MSRA: variants seen among roughly 807,000 people sequenced by gnomAD.
The protein encoded by MSRA is mitochondrial peptide methionine sulfoxide reductase.
MSRA carries 54 observed loss-of-function variants against 31.3 expected under a neutral mutation model. The observed-to-expected ratio is 1.73, with a 90% CI of 1.39 to 2.17. The LOEUF is 2.17. Ranked by LOEUF, MSRA falls within the 30% of genes most tolerant of loss-of-function variation. MSRA has a pLI of 0.00. For missense variants in MSRA, 507 were observed against 300.9 expected, an observed-to-expected ratio of 1.69 and a Z score of -5.07; for synonymous variants, 169 against 116.5, an observed-to-expected ratio of 1.45 and a Z score of -2.90.
intron 1 of MSRA, among the ~76,000 whole-genome samples, chr8:10,116,369 C>A (rs988902364): frequency 6.6e-6 from 1 of 152,178 alleles, no homozygotes; most frequent in African/African-American, 2.4e-5. Context: ...ACCCCCTGGA[C>A]TATAGTATTA....
intron 3 of MSRA, among the ~76,000 whole-genome samples, chr8:10,258,721 C>T (rs1484648759): frequency 1.3e-5 from 2 of 152,200 alleles, no homozygotes; most frequent in Non-Finnish European, 2.9e-5. Flanking sequence ...CAACTCTTCC[C>T]TGATGGTTTA....
intron 1 of MSRA, among the ~76,000 whole-genome samples, chr8:10,121,324 C>G (rs1801089511): frequency 6.6e-6 from 1 of 152,152 alleles, no homozygotes. Flanking sequence ...TGGAGAAGGA[C>G]TTGTGGGCAG....
intron 4 of MSRA, among the ~76,000 whole-genome samples, chr8:10,315,751 A>G (rs1194934892): frequency 3.3e-5 from 5 of 152,230 alleles, no homozygotes. Flanking sequence ...GATGACCTAA[A>G]AATTTTACTA....
intron 3 of MSRA, among the ~76,000 whole-genome samples, chr8:10,292,349 G>C (rs1800283777): frequency 6.6e-6 from 1 of 152,222 alleles, no homozygotes. Context: ...GCCCAGTCCT[G>C]GGGCCTACAG....
chr8:10,420,749 T>C (rs763364461), intron 5 of MSRA, among the ~76,000 whole-genome samples: 14 of 152,218 alleles, frequency 9.2e-5, no homozygotes, highest in South Asian at 2.1e-4. Flanking sequence ...GGAAGTTTTA[T>C]GCAGAGTTTC....
chr8:10,109,962 T>G (rs1196382539), intron 1 of MSRA, among the ~76,000 whole-genome samples: 1 of 152,130 alleles, frequency 6.6e-6, no homozygotes, highest in Non-Finnish European at 1.5e-5. Context: ...ATGTAAAGAT[T>G]CGTCATAATT....
At chr8:10,173,188 A>G (rs12548428) in intron 1 of MSRA, among the ~76,000 whole-genome samples, 45,040 of 152,202 alleles carry the variant, frequency 0.3, 7,406 homozygotes, top group East Asian at 0.48. Flanking sequence ...TGGTTCGACT[A>G]TGTGATCTTT....
At chr8:10,084,687 A>T (rs1480138613) in intron 1 of MSRA, among the ~76,000 whole-genome samples, 1 of 152,238 alleles carries the variant, frequency 6.6e-6, no homozygotes, top group African/African-American at 2.4e-5. Context: ...GTATTATTTT[A>T]TGAAGATTAA....
At chr8:10,384,441 G>A (rs531353816) in intron 5 of MSRA, among the ~76,000 whole-genome samples, 4 of 152,338 alleles carry the variant, frequency 2.6e-5, no homozygotes, top group South Asian at 2.1e-4. Context: ...AGGTAGCTCC[G>A]CAGGATGGCA....
chr8:10,153,878 C>A (rs1304314474), intron 1 of MSRA, among the ~76,000 whole-genome samples: 1 of 152,132 alleles, frequency 6.6e-6, no homozygotes, highest in Admixed American at 6.5e-5. Context: ...CTTTAGGATG[C>A]CTCTCTCTCT....
intron 1 of MSRA, among the ~76,000 whole-genome samples, chr8:10,202,654 G>A (rs1254581642): frequency 3.3e-5 from 5 of 152,202 alleles, no homozygotes; most frequent in African/African-American, 1.2e-4. Flanking sequence ...TGGTCGTGGA[G>A]GGGAGGTGAC....
At chr8:10,180,966 C>G (rs1806481306) in intron 1 of MSRA, among the ~76,000 whole-genome samples, 1 of 152,176 alleles carries the variant, frequency 6.6e-6, no homozygotes, top group Non-Finnish European at 1.5e-5. Flanking sequence ...TGACTTCAAT[C>G]TTGATAACGT....
At chr8:10,184,979 A>C (rs1248671157) in intron 1 of MSRA, among the ~76,000 whole-genome samples, 1 of 152,344 alleles carries the variant, frequency 6.6e-6, no homozygotes, top group East Asian at 1.9e-4. Flanking sequence ...CAGTTTGCAT[A>C]TGTAGCCTTT....
intron 1 of MSRA, among the ~76,000 whole-genome samples, chr8:10,200,119 G>A (rs1290026028): frequency 2.0e-5 from 3 of 152,212 alleles, no homozygotes; most frequent in Non-Finnish European, 4.4e-5. Flanking sequence ...CCTGAGCTGG[G>A]CATCGGCTCC....
chr8:10,336,438 CTT>C (rs779483098), intron 5 of MSRA, among the ~76,000 whole-genome samples: 1 of 144,190 alleles, frequency 6.9e-6, no homozygotes, highest in Admixed American at 6.9e-5. Flanking sequence ...AATTTTAATC[CTT>C]TTTTTTTTTT....
intron 1 of MSRA, among the ~76,000 whole-genome samples, chr8:10,122,484 G>A (rs1214813638): frequency 1.3e-5 from 2 of 151,672 alleles, no homozygotes; most frequent in East Asian, 1.9e-4. Context: ...AGGAATGTAA[G>A]TGGATCCAGA....
intron 5 of MSRA, among the ~76,000 whole-genome samples, chr8:10,335,256 T>TTG (rs1279315983): frequency 1.1e-4 from 16 of 146,924 alleles, no homozygotes; most frequent in Admixed American, 9.5e-4. Context: ...CTCTGTTTTT[T>TTG]TTTTTTTTTT....
At chr8:10,392,921 C>A (rs1806848163) in intron 5 of MSRA, among the ~76,000 whole-genome samples, 1 of 146,528 alleles carries the variant, frequency 6.8e-6, no homozygotes, top group Non-Finnish European at 1.5e-5. Context: ...AATTAGCCGG[C>A]AGTAATGGCG....
At chr8:10,253,403 G>T (rs1460747449) in intron 3 of MSRA, among the ~76,000 whole-genome samples, 2 of 152,210 alleles carry the variant, frequency 1.3e-5, no homozygotes, top group Non-Finnish European at 2.9e-5. Flanking sequence ...TGAGGAACAG[G>T]TGCAGCGGTC....
Sources: allele counts gnomAD v4.1 joint callset (sites outside exome capture counted in the v4.1 genomes callset), GRCh38; gene constraint gnomAD v4.1.1; transcripts MANE v1.5; gene names NCBI Gene and HGNC (gene_info 2026-07-23, HGNC 2026-07-21).